DMD: variants seen among roughly 807,000 people sequenced by gnomAD.
DMD encodes the protein mutant dystrophin.
A neutral mutation model predicts 330.1 loss-of-function variants in DMD; 63 were observed. The observed-to-expected ratio is 0.19, with a 90% confidence interval of 0.16 to 0.24. The LOEUF is 0.24. Ranked by LOEUF, DMD falls within the 10% of genes least tolerant of loss-of-function variation. The probability of loss-of-function intolerance (pLI) is 1.00; values close to 1 mark genes in which losing one functional copy is unlikely to be tolerated. For missense variants in DMD, 3,344 were observed against 2,684.1 expected (o/e 1.25, Z -5.43); for synonymous variants, 1,223 against 959.8 (o/e 1.27, Z -5.07).
At chrX:31,589,393 T>A (rs1829694483) in intron 55 of DMD, among the ~76,000 whole-genome samples, 1 of 111,154 alleles carries the variant, frequency 9.0e-6, no homozygotes, top group Non-Finnish European at 1.9e-5. Flanking sequence ...CTCCCTGACT[T>A]ATTGGGGGTC....
At chrX:32,649,558 TTAAAA>T (rs1370844517) in intron 9 of DMD, among the ~76,000 whole-genome samples, 19 of 74,507 alleles carry the variant, frequency 2.6e-4, no homozygotes, top group African/African-American at 1.5e-3. Flanking sequence ...TCCGTCTCTT[TTAAAA>T]AAAAAAAAAA....
chrX:31,465,021 C>T (rs1228045498), intron 59 of DMD, among the ~76,000 whole-genome samples: 1 of 111,763 alleles, frequency 8.9e-6, no homozygotes, highest in Non-Finnish European at 1.9e-5. Flanking sequence ...ACACACAGCG[C>T]TATCTAAAAT....
rs767384924 is a variant in DMD at position 31,157,310 on chromosome X, T to G, written c.10554-9792A>C. Among the ~76,000 whole-genome samples the G allele has an allele frequency of 2.7e-5, 3 of 112,156 alleles. No individual in the cohort carries two copies. In the South Asian group the frequency reaches 1.1e-3, roughly 42 times the overall value. On this transcript the variant is annotated intron_variant, in intron 74 of 78. Coordinates refer to ENST00000357033, the MANE Select transcript of DMD (RefSeq NM_004006.3). ...CACAAATTCCTGATCAGATGCTAATTCATTACTGTCTATAGACTAAATGTA... is the reference window on the plus strand; with the variant it reads ...CACAAATTCCTGATCAGATGCTAATGCATTACTGTCTATAGACTAAATGTA...
intron 62 of DMD, among the ~76,000 whole-genome samples, chrX:31,272,534 A>G: frequency 8.9e-6 from 1 of 112,455 alleles, no homozygotes. Flanking sequence ...CACTCTGCAT[A>G]ATCTCTCTTC....
chrX:31,211,654 C>A (rs749548881), intron 64 of DMD, among the ~76,000 whole-genome samples: 1 of 112,062 alleles, frequency 8.9e-6, no homozygotes, highest in African/African-American at 3.2e-5. Flanking sequence ...TATCTCTGTA[C>A]AGGTGAATGG....
At chrX:31,766,821 T>C (rs1371531598) in intron 51 of DMD, among the ~76,000 whole-genome samples, 1 of 111,200 alleles carries the variant, frequency 9.0e-6, no homozygotes, top group Admixed American at 9.6e-5. Flanking sequence ...GAAAAAAGCA[T>C]ATGGTATCAT....
chrX:32,534,023 G>C (rs142133994), intron 17 of DMD, among the ~76,000 whole-genome samples: 2 of 112,089 alleles, frequency 1.8e-5, no homozygotes, highest in East Asian at 5.6e-4. Flanking sequence ...TACTGTGTTA[G>C]TAAGCATCAC....
intron 44 of DMD, among the ~76,000 whole-genome samples, chrX:32,027,164 G>GCACACACACACACATA (rs1557075785): frequency 5.6e-5 from 5 of 89,516 alleles, no homozygotes; most frequent in African/African-American, 1.8e-4. Context: ...ACACGCACGT[G>GCACACACACACACATA]CACACACACA....
intron 7 of DMD, among the ~76,000 whole-genome samples, chrX:32,703,071 G>A (rs2064278624): frequency 1.8e-5 from 2 of 111,178 alleles, no homozygotes; most frequent in African/African-American, 6.5e-5. Flanking sequence ...CTGAAACTTT[G>A]CCAGAGTGGA....
rs765682834 is a variant in DMD, at chrX:33,294,391, GTTT to G, written c.7+44865_7+44867del. ...ATGTTCATGTTTATATTTCGCCATA[GTTT>G]TTTAGTTAATATTTCACAAACTTGT... On this transcript the variant is annotated intron_variant, in intron 1 of 17. Transcript: ENST00000288447. Among the ~76,000 whole-genome samples, 402 of 111,153 alleles carry G rather than the reference GTTT, an allele frequency of 3.6e-3. 4 individuals are homozygous for G. Among genetic ancestry groups the G allele is most frequent in the African/African-American group, 0.013 (386 of 30,687 alleles).
rs747581297 is a variant in DMD at position 32,648,740 on chromosome X, T to G, written c.961-3588A>C. ...AGACATTTTAAAATAAAACGATGTT[T>G]AATCTGAGAATTTGGAAATAAAGAT... On this transcript the variant is annotated intron_variant, in intron 9 of 78. Transcript: ENST00000357033. Among the ~76,000 whole-genome samples the G allele has an allele frequency of 6.7e-4, 75 of 112,266 alleles. 1 individual carries two copies. Among genetic ancestry groups the G allele is most frequent in the African/African-American group, 2.4e-3 (73 of 30,989 alleles).
chrX:33,111,799 C>G (rs1393567470), intron 1 of DMD, among the ~76,000 whole-genome samples: 1 of 110,103 alleles, frequency 9.1e-6, no homozygotes, highest in Non-Finnish European at 1.9e-5. Flanking sequence ...TAGTAGAGAC[C>G]GGGGTTTCAC....
intron 2 of DMD, among the ~76,000 whole-genome samples, chrX:33,017,033 A>G (rs1299740614): frequency 1.8e-5 from 2 of 111,867 alleles, no homozygotes; most frequent in African/African-American, 6.5e-5. Flanking sequence ...AATATTGTTC[A>G]GTTATCTCTA....
intron 62 of DMD, among the ~76,000 whole-genome samples, chrX:31,297,329 A>C (rs1797767598): frequency 9.0e-6 from 1 of 111,176 alleles, no homozygotes; most frequent in Non-Finnish European, 1.9e-5. Flanking sequence ...CGCTATTCCC[A>C]GAGTGATAGA....
At chrX:31,493,036 A>C (rs925124669) in intron 57 of DMD, among the ~76,000 whole-genome samples, 4 of 111,086 alleles carry the variant, frequency 3.6e-5, no homozygotes, top group Non-Finnish European at 5.7e-5. Context: ...ATAAAAAAAA[A>C]CCTGTGCATC....
intron 44 of DMD, among the ~76,000 whole-genome samples, chrX:32,194,762 A>G (rs1263709479): frequency 1.8e-5 from 2 of 112,114 alleles, no homozygotes; most frequent in African/African-American, 6.5e-5. Context: ...ATTATCCTAT[A>G]TGGATTGAGA....
chrX:32,211,696 T>C (rs766212099), intron 44 of DMD, among the ~76,000 whole-genome samples: 4 of 112,073 alleles, frequency 3.6e-5, no homozygotes, highest in Non-Finnish European at 7.5e-5. Context: ...TTAAGGTCGA[T>C]TTCAAATGGA....
rs191860250 is a variant in DMD at position 32,335,359 on chromosome X, C to G, written c.5922+6741G>C. On this transcript the variant is annotated intron_variant, in intron 41 of 78. Coordinates refer to ENST00000357033, the MANE Select transcript of DMD (RefSeq NM_004006.3). ...TGGATTACAAGCAACTGCCAGCAAG[C>G]CTGGCTAATTTTATATATAAAACAT... Among the ~76,000 whole-genome samples the G allele has an allele frequency of 3.9e-3, 410 of 105,038 alleles. 16 individuals carry two copies. In the East Asian group the frequency reaches 0.1, roughly 27 times the overall value. The allele number at this position is 105,038 out of a possible 115,157, so 91.2% of individuals were successfully genotyped here.
At chrX:33,010,252 A>ATGTG (rs1364724441) in intron 2 of DMD, among the ~76,000 whole-genome samples, 2 of 107,301 alleles carry the variant, frequency 1.9e-5, no homozygotes, top group Admixed American at 1.0e-4. Flanking sequence ...ATGTGTGTAT[A>ATGTG]TATGTACAAA....
Sources: allele counts gnomAD v4.1 joint callset (sites outside exome capture counted in the v4.1 genomes callset), GRCh38; gene constraint gnomAD v4.1.1; transcripts MANE v1.5; gene names NCBI Gene and HGNC (gene_info 2026-07-23, HGNC 2026-07-21).